The following WDR36 variants were observed in gnomAD, a reference collection of about 807,000 sequenced individuals.
WDR36 encodes the protein WD repeat-containing protein 36.
Under a neutral mutation model 112.7 loss-of-function variants are expected in WDR36, and 63 were observed. The observed-to-expected ratio is 0.56, with a 90% confidence interval of 0.46 to 0.69. WDR36 has a LOEUF of 0.69. Ranked by LOEUF, WDR36 falls within the 30% of genes least tolerant of loss-of-function variation. The pLI, the probability that WDR36 is intolerant of heterozygous loss-of-function variation, is 0.00. For missense variants in WDR36, 1,226 were observed against 1,070.3 expected (o/e 1.15, Z -2.03); for synonymous variants, 410 against 362.2 (o/e 1.13, Z -1.50).
At chr5:111,124,675 A>T (rs140967173) in intron 21 of WDR36, among the ~76,000 whole-genome samples, 5 of 152,308 alleles carry the variant, frequency 3.3e-5, no homozygotes, top group African/African-American at 1.2e-4. Context: ...CGAAGGCTAC[A>T]GTCTGTAGCT....
chr5:111,114,481 C>T (rs1004944997), intron 16 of WDR36, among the ~76,000 whole-genome samples: 2 of 152,166 alleles, frequency 1.3e-5, no homozygotes, highest in African/African-American at 4.8e-5. Flanking sequence ...CGAAACAGGC[C>T]TGAGGCATAC....
intron 5 of WDR36, among the ~76,000 whole-genome samples, chr5:111,101,553 AT>A (rs1162800757): frequency 6.6e-6 from 1 of 151,878 alleles, no homozygotes; most frequent in African/African-American, 2.4e-5. Flanking sequence ...TGGATACATG[AT>A]TTTGAATACT....
rs75030547 is a variant in WDR36 at position 111,098,595 on chromosome 5, A to C, written c.292-127A>C. 8.3e-3 allele frequency: 5,894 copies of C among 709,602 alleles called. 278 individuals are homozygous for C. The African/African-American group carries it at 0.092, about 11-fold the overall frequency. The allele number at this position is 709,602 out of a possible 1,614,324, so 44.0% of individuals were successfully genotyped here. ...TTATGTGTTCATCCTAACCTTGAAT[A>C]ATCAAAAGTTGGGGTACATTTCTTA... On this transcript the variant is annotated intron_variant, in intron 3 of 22. Transcript: ENST00000513710.
At position 111,094,959 on chromosome 5, in the gene WDR36, C is replaced by G. The variant is rs144126376; in HGVS notation, c.190+12C>G. Reference sequence around the variant, plus strand: ...TCTGGTTGCAGTAAGTAAGTATGGACTTTATTCTGAATTTATGCACATCTA... The same window carrying G: ...TCTGGTTGCAGTAAGTAAGTATGGAGTTTATTCTGAATTTATGCACATCTA... On this transcript the variant is annotated intron_variant, in intron 2 of 22. Coordinates refer to ENST00000513710, the MANE Select transcript of WDR36 (RefSeq NM_139281.3). The G allele has an allele frequency of 1.3e-3, 2,096 of 1,604,096 alleles. 1 individual carries two copies. Among genetic ancestry groups the G allele is most frequent in the Non-Finnish European group, 1.6e-3 (1,848 of 1,173,792 alleles).
At chr5:111,112,218 C>T (rs1753356199) in intron 15 of WDR36, among the ~76,000 whole-genome samples, 1 of 151,988 alleles carries the variant, frequency 6.6e-6, no homozygotes, top group South Asian at 2.1e-4. Flanking sequence ...TCAAACCTTA[C>T]TTTCAACTTG....
rs1031669809 is a variant in WDR36 at position 111,098,254 on chromosome 5, A to G, written c.292-468A>G. Among the ~76,000 whole-genome samples, 2 of 152,310 alleles carry G rather than the reference A, an allele frequency of 1.3e-5. 1 individual carries two copies. Among genetic ancestry groups the G allele is most frequent in the Middle Eastern group, 6.8e-3 (2 of 294 alleles). On this transcript the variant is annotated intron_variant, in intron 3 of 22. Transcript: ENST00000513710. ...GGCTATACTTATGGAGGGATCAGCT[A>G]CTGTAAGGATCTCTGTCAAAGCAGA...
rs1752881029 is a variant in WDR36, at chr5:111,092,452, C to T, written c.-5C>T. On this transcript the variant is annotated 5_prime_UTR_variant, in exon 1 of 23. Coordinates refer to ENST00000513710, the MANE Select transcript of WDR36 (RefSeq NM_139281.3). ...GAGCTGAGAGGAGCTGGGATCGCGG[C>T]GGCAATGGAACGGGCCTCAGAAAGG... is the stretch of plus-strand genomic sequence containing the variant. 1.9e-6 allele frequency: 3 copies of T among 1,614,070 alleles called. No homozygotes were observed. The highest frequency in any genetic ancestry group is 1.3e-5 in the African/African-American group (1 of 74,930).
intron 19 of WDR36, 21 bp from the exon 20 acceptor site, chr5:111,123,784 T>C (rs890138365): frequency 3.1e-6 from 5 of 1,612,540 alleles, no homozygotes. Flanking sequence ...CTATTTTTCT[T>C]TCTCATTTTC....
At chr5:111,099,219 T>A (rs889470417) in intron 4 of WDR36, among the ~76,000 whole-genome samples, 1 of 152,216 alleles carries the variant, frequency 6.6e-6, no homozygotes, top group Admixed American at 6.5e-5. Context: ...GATCTTGTAA[T>A]CTGAAGGAAA....
At chr5:111,115,878 C>G (rs919501711) in intron 16 of WDR36, among the ~76,000 whole-genome samples, 3 of 152,064 alleles carry the variant, frequency 2.0e-5, no homozygotes, top group Non-Finnish European at 4.4e-5. Flanking sequence ...TATCATTCCT[C>G]TGCCACTACC....
chr5:111,118,461 G>T (rs1209531615), intron 16 of WDR36, among the ~76,000 whole-genome samples: 2 of 152,052 alleles, frequency 1.3e-5, no homozygotes, highest in African/African-American at 4.8e-5. Context: ...TTGCTTTATG[G>T]TTCTTCTCTA....
chr5:111,102,218 A>G, intron 5 of WDR36, 127 bp from the exon 6 acceptor site: 1 of 726,834 alleles, frequency 1.4e-6, no homozygotes, highest in Non-Finnish European at 2.3e-6. Flanking sequence ...AATCATCAGA[A>G]TAGTGTGTGG....
chr5:111,124,604 A>G (rs1412978192), intron 21 of WDR36, among the ~76,000 whole-genome samples: 1 of 152,128 alleles, frequency 6.6e-6, no homozygotes, highest in Non-Finnish European at 1.5e-5. Flanking sequence ...ATATATTCCT[A>G]AATTATTTTA....
Position 111,126,731 on chromosome 5 carries a change from C to A in WDR36, c.2539-3C>A. The A allele has an allele frequency of 1.2e-6, 2 of 1,613,218 alleles. No homozygotes were observed. The highest frequency in any genetic ancestry group is 1.1e-5 in the South Asian group (1 of 91,014). ...TGTTCAATCATCATATTTTTCTTTG[C>A]AGTTACACCTTAAAATGCTTCCTTC... On this transcript the variant is annotated splice_region_variant and splice_polypyrimidine_tract_variant and intron_variant, in intron 22 of 22. Coordinates refer to ENST00000513710, the MANE Select transcript of WDR36 (RefSeq NM_139281.3).
At chr5:111,108,582 T>C (rs1753264722) in intron 12 of WDR36, among the ~76,000 whole-genome samples, 1 of 151,426 alleles carries the variant, frequency 6.6e-6, no homozygotes, top group African/African-American at 2.4e-5. Context: ...TTTTGAATAA[T>C]GGTTGTAATA....
chr5:111,101,947 T>G (rs776009552), intron 5 of WDR36, among the ~76,000 whole-genome samples: 25 of 151,838 alleles, frequency 1.6e-4, no homozygotes, highest in Non-Finnish European at 3.1e-4. Flanking sequence ...AGAGCAGCAT[T>G]ACTGTTGTCA....
At position 111,107,333 on chromosome 5, in the gene WDR36, G is replaced by GCCAT; in HGVS notation, c.1222_1225dup (p.Gln409ProfsTer4). The GCCAT allele has an allele frequency of 6.2e-7, 1 of 1,610,436 alleles. No homozygotes were observed. The highest frequency in any genetic ancestry group is 1.7e-5 in the Admixed American group (1 of 59,638). Reference sequence around the variant, plus strand: ...AGTGACTGGGATGGTATCATTGCTTGCCATCAAGGTAAGCTATCTTGCTCA... The same window carrying GCCAT: ...AGTGACTGGGATGGTATCATTGCTTGCCATCCATCAAGGTAAGCTATCTTGCTCA... On this transcript the variant is annotated frameshift_variant, in exon 12 of 23. Coordinates refer to ENST00000513710, the MANE Select transcript of WDR36 (RefSeq NM_139281.3). LOFTEE classifies it high-confidence loss of function.
intron 4 of WDR36, among the ~76,000 whole-genome samples, 159 bp from the exon 5 acceptor site, chr5:111,100,416 CTCTCATTTATTTTA>C: frequency 6.6e-6 from 1 of 151,570 alleles, no homozygotes; most frequent in East Asian, 1.9e-4. Context: ...TACAAGTTGC[CTCTCATTTATTTTA>C]TTTCTCAAGG....
chr5:111,107,842 G>T (rs539116776), intron 12 of WDR36, among the ~76,000 whole-genome samples: 25 of 151,372 alleles, frequency 1.7e-4, no homozygotes, highest in African/African-American at 5.3e-4. Context: ...CCATTGATCT[G>T]TATGTCTGTT....
Sources: gnomAD v4.1 joint callset for allele counts (sites outside exome capture counted in the v4.1 genomes callset) on GRCh38, gnomAD v4.1.1 for gene constraint, MANE v1.5 for transcripts, NCBI Gene and HGNC (gene_info 2026-07-23, HGNC 2026-07-21) for gene names.